Variants in MAST4 observed in about 807,000 individuals in gnomAD.
MAST4 encodes the protein microtubule-associated serine/threonine-protein kinase 4.
In MAST4, 89 loss-of-function variants were observed where a neutral mutation model predicts 162.7. That is an observed-to-expected ratio of 0.55 (90% confidence interval 0.46 to 0.65). The LOEUF is 0.65. Ranked by LOEUF, MAST4 falls within the 30% of genes least tolerant of loss-of-function variation. The probability of loss-of-function intolerance (pLI) is 0.00; values close to 1 mark genes in which losing one functional copy is unlikely to be tolerated. For missense variants in MAST4, 3,153 were observed against 3,374.0 expected (o/e 0.93, Z 1.62); for synonymous variants, 1,479 against 1,361.1 (o/e 1.09, Z -1.91).
At chr5:66,896,086 A>G (rs559678326) in intron 3 of MAST4, among the ~76,000 whole-genome samples, 2 of 152,270 alleles carry the variant, frequency 1.3e-5, no homozygotes, top group Admixed American at 6.5e-5. Context: ...TTTTTCATTT[A>G]TTCAGGATTC....
intron 1 of MAST4, among the ~76,000 whole-genome samples, chr5:66,722,454 T>G (rs1010563082): frequency 4.5e-4 from 25 of 55,598 alleles, no homozygotes; most frequent in African/African-American, 6.4e-4. Flanking sequence ...TGGTTCTGGG[T>G]TTTTTTTTTT....
chr5:66,705,820 C>G (rs1396138966), intron 1 of MAST4, among the ~76,000 whole-genome samples: 1 of 152,104 alleles, frequency 6.6e-6, no homozygotes, highest in African/African-American at 2.4e-5. Flanking sequence ...ATAGCTAGCA[C>G]TTTTGAATAC....
chr5:66,986,684 G>A (rs755394806), intron 4 of MAST4, among the ~76,000 whole-genome samples: 1 of 150,784 alleles, frequency 6.6e-6, no homozygotes, highest in Non-Finnish European at 1.5e-5. Context: ...GCAGTAACAC[G>A]ATCATAGCTC....
chr5:66,723,830 T>G (rs1348939952), intron 1 of MAST4, among the ~76,000 whole-genome samples: 1 of 152,208 alleles, frequency 6.6e-6, no homozygotes, highest in Non-Finnish European at 1.5e-5. Flanking sequence ...ACATTTTTGT[T>G]AAAACATTGC....
intron 28 of MAST4, 85 bp downstream of exon 28, chr5:67,162,873 G>A (rs951899942): frequency 7.2e-7 from 1 of 1,392,692 alleles, no homozygotes; most frequent in Admixed American, 2.4e-5. Context: ...GCTTGTTCCA[G>A]CTGAAAGAAA....
intron 1 of MAST4, among the ~76,000 whole-genome samples, chr5:66,726,431 A>G (rs1032730002): frequency 6.6e-6 from 1 of 152,114 alleles, no homozygotes; most frequent in Non-Finnish European, 1.5e-5. Flanking sequence ...CAAGGAAATG[A>G]TAAGATAGCT....
chr5:66,985,000 T>C (rs965506295), intron 4 of MAST4, among the ~76,000 whole-genome samples: 3 of 152,100 alleles, frequency 2.0e-5, no homozygotes, highest in Non-Finnish European at 2.9e-5. Context: ...AGAAGTAAAT[T>C]TGGGACTTTT....
intron 4 of MAST4, among the ~76,000 whole-genome samples, chr5:67,051,201 G>A (rs538699382): frequency 6.8e-6 from 1 of 147,168 alleles, no homozygotes; most frequent in East Asian, 2.0e-4. Flanking sequence ...AAAAAAACAA[G>A]GCAGAATTGA....
intron 1 of MAST4, among the ~76,000 whole-genome samples, chr5:66,694,178 A>T (rs1465117336): frequency 6.6e-6 from 1 of 152,172 alleles, no homozygotes; most frequent in Non-Finnish European, 1.5e-5. Flanking sequence ...TTGAATTTGA[A>T]TTTCTTGGAA....
intron 4 of MAST4, among the ~76,000 whole-genome samples, chr5:66,924,496 C>T (rs1180790537): frequency 1.3e-5 from 2 of 151,932 alleles, no homozygotes; most frequent in Non-Finnish European, 2.9e-5. Flanking sequence ...CAGGTTCACG[C>T]CGTTCTCCTG....
chr5:66,854,691 C>G (rs963973776), intron 3 of MAST4, among the ~76,000 whole-genome samples: 1 of 152,100 alleles, frequency 6.6e-6, no homozygotes, highest in African/African-American at 2.4e-5. Context: ...GTGACACCTC[C>G]TCACTTCCGT....
intron 1 of MAST4, among the ~76,000 whole-genome samples, chr5:66,621,355 T>A (rs1744064763): frequency 6.6e-6 from 1 of 152,210 alleles, no homozygotes; most frequent in African/African-American, 2.4e-5. Context: ...TGTCTCGCAG[T>A]GTGCTATTGT....
rs1219929649 is a variant in MAST4 at position 66,999,188 on chromosome 5, G to A, written c.675-55216G>A. Among the ~76,000 whole-genome samples, 2 of 152,184 alleles carry A rather than the reference G, an allele frequency of 1.3e-5. 1 individual carries two copies. Among genetic ancestry groups the A allele is most frequent in the East Asian group, 3.9e-4 (2 of 5,192 alleles). ...CTTCATCCCTGTAAGGATGCCATGT[G>A]TTTTCTGGCAGTGTGTCCAGCTGTT... On this transcript the variant is annotated intron_variant, in intron 4 of 28. Coordinates refer to ENST00000403625, the MANE Select transcript of MAST4 (RefSeq NM_001164664.2).
In MAST4 at chr5:67,164,215, T is replaced by TAGAC. The variant is rs1202877550; in HGVS notation, c.5039_5042dup (p.Ser1681ArgfsTer17). The TAGAC allele has an allele frequency of 6.2e-7, 1 of 1,613,680 alleles. No individual in the cohort carries two copies. On this transcript the variant is annotated frameshift_variant, in exon 29 of 29. Transcript: ENST00000403625. LOFTEE classifies it low-confidence loss of function (END_TRUNC). This position sits in a 1 kb window ranked among gnomAD's most constrained non-coding sequence, Gnocchi z 5.3. ...AAGGAGCTTCTCCGATGTGAAAAGT[T>TAGAC]AGACAGCAAGCTGGCCAACATCGAT...
At position 66,648,905 on chromosome 5, in the gene MAST4, G is replaced by A. The variant is rs77015330; in HGVS notation, c.363+51887G>A. Among the ~76,000 whole-genome samples, 1,096 of 151,994 alleles carry A rather than the reference G, an allele frequency of 7.2e-3. 14 individuals are homozygous for A. Among genetic ancestry groups the A allele is most frequent in the African/African-American group, 0.024 (1,012 of 41,462 alleles). ...GTTTATGACCATTCGGTATGAATTG[G>A]GGCTGTTTAAATTAAAAATATTTAA... On this transcript the variant is annotated intron_variant, in intron 1 of 28. Coordinates refer to ENST00000403625, the MANE Select transcript of MAST4 (RefSeq NM_001164664.2).
chr5:66,771,920 G>A (rs1754376867), intron 2 of MAST4, among the ~76,000 whole-genome samples: 1 of 152,058 alleles, frequency 6.6e-6, no homozygotes. Context: ...AAGTAGGTAT[G>A]GCTTTCCTAT....
At chr5:66,675,288 C>T (rs1259219674) in intron 1 of MAST4, among the ~76,000 whole-genome samples, 1 of 152,112 alleles carries the variant, frequency 6.6e-6, no homozygotes, top group Admixed American at 6.5e-5. Flanking sequence ...TTGGCAGAAC[C>T]CTCAAACATA....
chr5:66,754,558 A>G (rs1328311447), intron 1 of MAST4, among the ~76,000 whole-genome samples: 1 of 152,092 alleles, frequency 6.6e-6, no homozygotes, highest in Non-Finnish European at 1.5e-5. Flanking sequence ...TTTTCCTGTT[A>G]TATTTTAAAG....
chr5:66,836,172 A>G (rs79996671), intron 3 of MAST4, among the ~76,000 whole-genome samples: 5 of 34,166 alleles, frequency 1.5e-4, no homozygotes, highest in Admixed American at 9.0e-4. Context: ...CCCTGTCTGG[A>G]AAAAAAAAAA....
Sources: gnomAD v4.1 joint callset for allele counts (sites outside exome capture counted in the v4.1 genomes callset) on GRCh38, gnomAD v4.1.1 for gene constraint, Gnocchi (gnomAD v3.1) non-coding constraint, MANE v1.5 for transcripts, NCBI Gene and HGNC (gene_info 2026-07-23, HGNC 2026-07-21) for gene names.